Variants in PXDN observed in about 807,000 individuals in gnomAD.
PXDN encodes peroxidasin homolog.
In PXDN, 77 loss-of-function variants were observed where a neutral mutation model predicts 140.3. The observed-to-expected ratio is 0.55, with a 90% CI of 0.46 to 0.66. The LOEUF is 0.66. PXDN is among the 30% of genes least tolerant of loss of function. The probability of loss-of-function intolerance (pLI) is 0.00; values close to 1 mark genes in which losing one functional copy is unlikely to be tolerated. For missense variants in PXDN, 1,838 were observed against 2,039.5 expected, an observed-to-expected ratio of 0.90 and a Z score of 1.90; for synonymous variants, 911 against 857.4, an observed-to-expected ratio of 1.06 and a Z score of -1.09.
rs1683294010 is a variant in PXDN at position 1,661,095 on chromosome 2, C to T, written c.1681-58G>A. On this transcript the variant is annotated intron_variant, in intron 13 of 22. Coordinates refer to ENST00000252804, the MANE Select transcript of PXDN (RefSeq NM_012293.3). ...AATAAGACTAAGAAGCAGAAGTTAT[C>T]TGACCTAGGGTTGGGGGAGGGGAGC... 3 of 1,598,022 alleles carry T rather than the reference C, an allele frequency of 1.9e-6. No individual in the cohort carries two copies. In the South Asian group the frequency reaches 3.3e-5, roughly 18 times the overall value.
chr2:1,712,970 C>A (rs1445961569), intron 1 of PXDN, among the ~76,000 whole-genome samples: 1 of 151,954 alleles, frequency 6.6e-6, no homozygotes, highest in African/African-American at 2.4e-5. Flanking sequence ...GGTGATCCAC[C>A]CGCCTTGGCC....
intron 1 of PXDN, among the ~76,000 whole-genome samples, chr2:1,731,185 CTAGTGAGA>C (rs1685307202): frequency 7.4e-6 from 1 of 134,936 alleles, no homozygotes; most frequent in Non-Finnish European, 1.6e-5. Context: ...CACACATGAA[CTAGTGAGA>C]GGAAGTTTTA....
At chr2:1,715,551 C>T (rs181234703) in intron 1 of PXDN, among the ~76,000 whole-genome samples, 4 of 152,298 alleles carry the variant, frequency 2.6e-5, no homozygotes, top group South Asian at 4.1e-4. Flanking sequence ...TCAAGGAACA[C>T]GCCACGGTGC....
At chr2:1,663,472 C>G in intron 12 of PXDN, 133 bp downstream of exon 12, 3 of 1,235,620 alleles carry the variant, frequency 2.4e-6, no homozygotes, top group Non-Finnish European at 3.4e-6. Context: ...AGCACAATGA[C>G]GGTGCACAAA....
chr2:1,719,785 A>G (rs1228023965), intron 1 of PXDN, among the ~76,000 whole-genome samples: 1 of 150,892 alleles, frequency 6.6e-6, no homozygotes, highest in Non-Finnish European at 1.5e-5. Flanking sequence ...TGGATTGGTC[A>G]GGGTTCTCCA....
chr2:1,632,404 T>C lies in PXDN; in HGVS notation c.*1800A>G, dbSNP rs1485459789. On this transcript the variant is annotated 3_prime_UTR_variant, in exon 23 of 23. Coordinates refer to ENST00000252804, the MANE Select transcript of PXDN (RefSeq NM_012293.3). This position sits in a 1 kb window ranked among gnomAD's most constrained non-coding sequence, Gnocchi z 4.3. ...TAGACGAACTTACACATTTCCTATT[T>C]GACAGAAATCTCTTCCACAATTTGG... 2 of 152,260 alleles carry C rather than the reference T, an allele frequency of 1.3e-5. No individual in the cohort carries two copies. Among genetic ancestry groups the C allele is most frequent in the African/African-American group, 2.4e-5 (1 of 41,464 alleles). 9.4% of individuals were successfully genotyped at this position (152,260 alleles called of 1,614,324 possible).
At chr2:1,700,364 T>C (rs1259197550) in intron 1 of PXDN, among the ~76,000 whole-genome samples, 1 of 152,146 alleles carries the variant, frequency 6.6e-6, no homozygotes, top group Non-Finnish European at 1.5e-5. Context: ...ATCCAGCCAT[T>C]GTCTGGATTT....
rs748943100 is a variant in PXDN at position 1,649,054 on chromosome 2, TAGG to T, written c.2723_2725del (p.Ser908del). The T allele has an allele frequency of 6.2e-7, 1 of 1,612,326 alleles. No homozygotes were observed. The highest frequency in any genetic ancestry group is 8.5e-7 in the Non-Finnish European group (1 of 1,179,606). On this transcript the variant is annotated inframe_deletion, in exon 17 of 23. Coordinates refer to ENST00000252804, the MANE Select transcript of PXDN (RefSeq NM_012293.3). This position sits in a 1 kb window ranked among gnomAD's most constrained non-coding sequence, Gnocchi z 7.1. ...CCCGTACACGTTGGATGCGTCTATG[TAGG>T]AGGTGAGCTGGTTGATCTGCTCCCG...
intron 1 of PXDN, among the ~76,000 whole-genome samples, chr2:1,706,358 G>A (rs1019196246): frequency 6.6e-6 from 1 of 152,086 alleles, no homozygotes; most frequent in South Asian, 2.1e-4. Flanking sequence ...GTCACAAATC[G>A]GACACGGTCT....
At chr2:1,708,622 C>T (rs1481015432) in intron 1 of PXDN, among the ~76,000 whole-genome samples, 1 of 152,152 alleles carries the variant, frequency 6.6e-6, no homozygotes, top group African/African-American at 2.4e-5. Flanking sequence ...ACCCAGAACC[C>T]CCGACTCGCC....
intron 19 of PXDN, among the ~76,000 whole-genome samples, chr2:1,641,531 T>C (rs1323854154): frequency 1.3e-5 from 2 of 152,252 alleles, no homozygotes; most frequent in Non-Finnish European, 2.9e-5. Flanking sequence ...TCTGTTTTCG[T>C]ATTTTTCTGC....
intron 1 of PXDN, among the ~76,000 whole-genome samples, chr2:1,736,935 CAA>C (rs1442394953): frequency 2.0e-5 from 3 of 152,206 alleles, no homozygotes; most frequent in Non-Finnish European, 2.9e-5. Flanking sequence ...AACTGTAGAA[CAA>C]AAGACAGATG....
Position 1,660,353 on chromosome 2 carries a change from T to C in PXDN, c.1837+528A>G, listed in dbSNP as rs1008593375. Among the ~76,000 whole-genome samples, 1 of 152,002 alleles carries C rather than the reference T, an allele frequency of 6.6e-6. No homozygotes were observed. The highest frequency in any genetic ancestry group is 1.5e-5 in the Non-Finnish European group (1 of 68,000). On this transcript the variant is annotated intron_variant, in intron 14 of 22. Transcript: ENST00000252804. The surrounding 1 kb of genome is among the most constrained non-coding windows in gnomAD (Gnocchi z 4.6). The stretch of plus-strand genomic sequence containing the variant: ...GCGGACCAGGATGCAAACAGACAGA[T>C]GCAGGCATGGAGTCAGGACGGCTCT...
chr2:1,645,774 A>G (rs1310526261), intron 17 of PXDN: 1 of 152,236 alleles, frequency 6.6e-6, no homozygotes, highest in African/African-American at 2.4e-5. Context: ...AGGACAGCAC[A>G]CTAGGGCCAC....
At chr2:1,744,525 G>A (rs1167142293), upstream of PXDN, 1 of 1,271,572 alleles carries the variant, frequency 7.9e-7, no homozygotes. Flanking sequence ...CGCCCGCCCG[G>A]CCGCGGCCCA....
chr2:1,661,649 T>G (rs1026573452), intron 13 of PXDN, among the ~76,000 whole-genome samples: 2 of 152,186 alleles, frequency 1.3e-5, no homozygotes, highest in Non-Finnish European at 2.9e-5. Flanking sequence ...GGTCATGGTG[T>G]GTGAGTGCTA....
chr2:1,705,534 G>GCTGCCACGAC (rs1292470786), intron 1 of PXDN, among the ~76,000 whole-genome samples: 1 of 147,254 alleles, frequency 6.8e-6, no homozygotes, highest in Non-Finnish European at 1.5e-5. Flanking sequence ...ACAGAGTGCA[G>GCTGCCACGAC]CTGCCCACGA....
intron 1 of PXDN, among the ~76,000 whole-genome samples, chr2:1,726,606 C>CTA (rs1243662706): frequency 6.6e-6 from 1 of 152,110 alleles, no homozygotes; most frequent in African/African-American, 2.4e-5. Context: ...AGAAAAATGT[C>CTA]TATTCAAGTC....
In PXDN at chr2:1,653,801, G is replaced by A. The variant is rs1397908386; in HGVS notation, c.1947-16C>T. On this transcript the variant is annotated splice_polypyrimidine_tract_variant and intron_variant, in intron 15 of 22. Transcript: ENST00000252804. Reference sequence around the variant, plus strand: ...ACGAGGACGGCTAACCAGAGTTTAGGGGGAAGAAAGGAAGAATGAAACAAA... The same window carrying A: ...ACGAGGACGGCTAACCAGAGTTTAGAGGGAAGAAAGGAAGAATGAAACAAA... 6.5e-6 allele frequency: 10 copies of A among 1,541,382 alleles called. No individual in the cohort carries two copies. The highest frequency in any genetic ancestry group is 7.0e-6 in the Non-Finnish European group (8 of 1,137,022).
Sources: gnomAD v4.1 joint callset for allele counts (sites outside exome capture counted in the v4.1 genomes callset) on GRCh38, gnomAD v4.1.1 for gene constraint, Gnocchi (gnomAD v3.1) non-coding constraint, MANE v1.5 for transcripts, NCBI Gene and HGNC (gene_info 2026-07-23, HGNC 2026-07-21) for gene names.